The following BCL11A variants were observed in gnomAD, a reference collection of about 807,000 sequenced individuals.
BCL11A encodes the protein BCL11 transcription factor A.
In BCL11A, 2 loss-of-function variants were observed where a neutral mutation model predicts 55.9. The ratio of observed to expected loss-of-function variants is 0.04; its 90% confidence interval spans 0.01 to 0.11. The LOEUF (loss-of-function observed/expected upper bound fraction) is 0.11. Ranked by LOEUF, BCL11A falls within the 10% of genes least tolerant of loss-of-function variation. The pLI, the probability that BCL11A is intolerant of heterozygous loss-of-function variation, is 1.00. For missense variants in BCL11A, 817 were observed against 1,137.1 expected (o/e 0.72, Z 4.05); for synonymous variants, 465 against 473.4 (o/e 0.98, Z 0.23).
chr2:60,485,156 C>A (rs1678199810), intron 2 of BCL11A, among the ~76,000 whole-genome samples: 1 of 152,206 alleles, frequency 6.6e-6, no homozygotes, highest in Non-Finnish European at 1.5e-5. Flanking sequence ...CCTAAACAGG[C>A]CCCTTCTTCC....
chr2:60,548,330 C>CTTTTTTTTTTTTTTT (rs34428551), intron 1 of BCL11A, among the ~76,000 whole-genome samples: 1 of 135,126 alleles, frequency 7.4e-6, no homozygotes, highest in Non-Finnish European at 1.6e-5. Context: ...CGTTAAGATT[C>CTTTTTTTTTTTTTTT]TTTTTTTTTT....
At chr2:60,498,170 G>T (rs1679061480) in intron 2 of BCL11A, among the ~76,000 whole-genome samples, 2 of 151,772 alleles carry the variant, frequency 1.3e-5, no homozygotes, top group African/African-American at 4.8e-5. Flanking sequence ...AGCAGGAAGG[G>T]CCTCTATGTA....
chr2:60,454,566 A>G (rs1381645399), downstream of BCL11A, among the ~76,000 whole-genome samples: 1 of 152,206 alleles, frequency 6.6e-6, no homozygotes, highest in Non-Finnish European at 1.5e-5. Flanking sequence ...CAACACAGTC[A>G]TAAGAAGTCA....
At chr2:60,503,771 A>T (rs554926971) in intron 2 of BCL11A, among the ~76,000 whole-genome samples, 4 of 152,368 alleles carry the variant, frequency 2.6e-5, no homozygotes, top group Admixed American at 6.5e-5. Context: ...TTAGGAGCCA[A>T]GATGCAACCC....
At chr2:60,539,989 T>C (rs1224148436) in intron 2 of BCL11A, among the ~76,000 whole-genome samples, 1 of 152,202 alleles carries the variant, frequency 6.6e-6, no homozygotes, top group Admixed American at 6.5e-5. Context: ...CTATTTGTAT[T>C]ACAAATAAAA....
intron 2 of BCL11A, among the ~76,000 whole-genome samples, chr2:60,494,393 T>C (rs1161540296): frequency 6.6e-6 from 1 of 152,184 alleles, no homozygotes; most frequent in African/African-American, 2.4e-5. Flanking sequence ...TTGTAATAAA[T>C]TATCTCCAAT....
chr2:60,464,552 T>A (rs1676494421), intron 3 of BCL11A, among the ~76,000 whole-genome samples: 1 of 152,216 alleles, frequency 6.6e-6, no homozygotes, highest in Non-Finnish European at 1.5e-5. Context: ...TCCAAGTCCT[T>A]AACACGTTCA....
chr2:60,476,450 A>C (rs1209691725), intron 2 of BCL11A, among the ~76,000 whole-genome samples: 1 of 152,246 alleles, frequency 6.6e-6, no homozygotes, highest in Admixed American at 6.5e-5. Flanking sequence ...CCCATTGCTC[A>C]CAAAGGCACA....
chr2:60,526,636 C>T (rs1669214275), intron 2 of BCL11A: 1 of 152,212 alleles, frequency 6.6e-6, no homozygotes, highest in African/African-American at 2.4e-5. Context: ...GGTTTATAGG[C>T]CTCCTCTCGG....
intron 2 of BCL11A, chr2:60,544,014 T>C (rs1036913872): frequency 2.0e-5 from 3 of 152,232 alleles, no homozygotes; most frequent in East Asian, 3.8e-4. Context: ...TTCACAACTA[T>C]AGCAGTAAAA....
chr2:60,462,165 T>C lies in BCL11A; in HGVS notation c.747A>G (p.Arg249=). 1 of 1,575,574 alleles carries C rather than the reference T, an allele frequency of 6.3e-7. No individual in the cohort carries two copies. Among genetic ancestry groups the C allele is most frequent in the Non-Finnish European group, 8.6e-7 (1 of 1,161,468 alleles). The change falls in exon 4 of 4, where the codon AGA becomes AGG. Residue 249 remains arginine, a synonymous_variant. Coordinates refer to ENST00000642384, the MANE Select transcript of BCL11A (RefSeq NM_022893.4). ...NLLRIPGSVS[R]EASGLAEGRF... is the part of the protein sequence containing the mutation. Reference sequence around the variant, plus strand: ...GCCCTTCTGCCAGGCCGGAAGCCTCTCTCGATACTGATCCTGGTATTCTTA... The same window carrying C: ...GCCCTTCTGCCAGGCCGGAAGCCTCCCTCGATACTGATCCTGGTATTCTTA...
chr2:60,479,169 T>C (rs1677804951), intron 2 of BCL11A, among the ~76,000 whole-genome samples: 1 of 152,166 alleles, frequency 6.6e-6, no homozygotes, highest in Admixed American at 6.5e-5. Flanking sequence ...GCTGATTCCA[T>C]ATGAGTAACA....
chr2:60,501,698 G>A (rs1053297973), intron 2 of BCL11A, among the ~76,000 whole-genome samples: 16 of 151,676 alleles, frequency 1.1e-4, no homozygotes, highest in African/African-American at 3.9e-4. Flanking sequence ...TAGAGATGAG[G>A]TTTCTCCATG....
chr2:60,512,662 C>T (rs1668530193), intron 2 of BCL11A, among the ~76,000 whole-genome samples: 1 of 152,202 alleles, frequency 6.6e-6, no homozygotes. Flanking sequence ...CCCCCAGCAA[C>T]TCCATTTTGC....
intron 2 of BCL11A, chr2:60,522,881 G>A (rs1336004196): frequency 6.6e-6 from 1 of 152,232 alleles, no homozygotes; most frequent in Non-Finnish European, 1.5e-5. Flanking sequence ...ACAGGTCAAG[G>A]TTCTGCAGGC....
Position 60,513,314 on chromosome 2 carries a change from G to C in BCL11A, c.385+32657C>G, listed in dbSNP as rs544027555. 2.6e-5 allele frequency among the ~76,000 whole-genome samples: 4 copies of C among 152,310 alleles called. 1 individual carries two copies. The East Asian group carries it at 7.7e-4, about 29-fold the overall frequency. Reference sequence around the variant, plus strand: ...TAAATATGAGACAAGGAGGGGACAAGGAATTTAGTCCCAGGAGTGGCACTA... The same window carrying C: ...TAAATATGAGACAAGGAGGGGACAACGAATTTAGTCCCAGGAGTGGCACTA... On this transcript the variant is annotated intron_variant, in intron 2 of 3. Transcript: ENST00000642384.
chr2:60,553,643 A>C lies in BCL11A; in HGVS notation c.-373T>G, dbSNP rs1558533643. 4 of 314,818 alleles carry C rather than the reference A, an allele frequency of 1.3e-5. No homozygotes were observed. Among genetic ancestry groups the C allele is most frequent in the Non-Finnish European group, 2.3e-5 (4 of 175,330 alleles). The allele number at this position is 314,818 out of a possible 1,614,324, so 19.5% of individuals were successfully genotyped here. On this transcript the variant is annotated 5_prime_UTR_variant, in exon 1 of 4. Transcript: ENST00000642384. ...GCGAACTTGAACGTCAGGAGTCTGG[A>C]TGGACAGAGACACACAAAACATGGG...
downstream of BCL11A, chr2:60,452,909 C>G: frequency 4.4e-6 from 2 of 459,050 alleles, no homozygotes; most frequent in Non-Finnish European, 7.9e-6. Context: ...CAGGTCCCCC[C>G]ACCCCTGCCC....
Position 60,459,746 on chromosome 2 carries a change from G to A in BCL11A, c.*658C>T. On this transcript the variant is annotated 3_prime_UTR_variant, in exon 4 of 4. Transcript: ENST00000642384. Reference sequence around the variant, plus strand: ...TTTTCTGTTAATTTGTCAATTCAAGGCCTTTTTTCTTCCTTTCCAATTGAT... The same window carrying A: ...TTTTCTGTTAATTTGTCAATTCAAGACCTTTTTTCTTCCTTTCCAATTGAT... 9.6e-7 allele frequency: 1 copy of A among 1,039,608 alleles called. No individual in the cohort carries two copies. Among genetic ancestry groups the A allele is most frequent in the Non-Finnish European group, 1.2e-6 (1 of 862,846 alleles). The allele number at this position is 1,039,608 out of a possible 1,614,324, so 64.4% of individuals were successfully genotyped here. A position where few individuals can be genotyped will look rare whatever the true frequency, so the allele number is the denominator to read the frequency against.
Sources: allele counts gnomAD v4.1 joint callset (sites outside exome capture counted in the v4.1 genomes callset), GRCh38; gene constraint gnomAD v4.1.1; transcripts MANE v1.5; gene names NCBI Gene and HGNC (gene_info 2026-07-23, HGNC 2026-07-21).